DAB1: variants seen among roughly 807,000 people sequenced by gnomAD.
The protein encoded by DAB1 is disabled homolog 1.
Under a neutral mutation model 64.6 loss-of-function variants are expected in DAB1, and 15 were observed. The observed-to-expected ratio is 0.23, with a 90% CI of 0.16 to 0.36. The LOEUF is 0.36. Ranked by LOEUF, DAB1 falls within the 10% of genes least tolerant of loss-of-function variation. The pLI is 1.00. For missense variants in DAB1, 596 were observed against 706.7 expected (o/e 0.84, Z 1.78); for synonymous variants, 235 against 251.9 (o/e 0.93, Z 0.64).
intron 5 of DAB1, among the ~76,000 whole-genome samples, chr1:58,076,600 C>G (rs1195415502): frequency 6.6e-6 from 1 of 152,150 alleles, no homozygotes; most frequent in Non-Finnish European, 1.5e-5. Context: ...AAAGACTTGC[C>G]CAAGGTTTCC....
At chr1:57,732,999 T>C (rs1354695814) in intron 6 of DAB1, among the ~76,000 whole-genome samples, 1 of 152,188 alleles carries the variant, frequency 6.6e-6, no homozygotes, top group African/African-American at 2.4e-5. Flanking sequence ...GACAGTTCTG[T>C]AGAGAGTACA....
chr1:57,494,924 T>C (rs1644211859), intron 7 of DAB1, among the ~76,000 whole-genome samples: 1 of 152,284 alleles, frequency 6.6e-6, no homozygotes, highest in East Asian at 1.9e-4. Flanking sequence ...CATCCTTTGG[T>C]GACCAGGAAG....
At chr1:58,198,242 T>C (rs1657800264) in intron 4 of DAB1, among the ~76,000 whole-genome samples, 1 of 152,252 alleles carries the variant, frequency 6.6e-6, no homozygotes, top group South Asian at 2.1e-4. Context: ...CAATTGTTTA[T>C]TAATCTTCAC....
chr1:57,577,122 C>G (rs1645259708), intron 7 of DAB1, among the ~76,000 whole-genome samples: 1 of 152,208 alleles, frequency 6.6e-6, no homozygotes, highest in Non-Finnish European at 1.5e-5. Context: ...CTCGGGAAAG[C>G]AGGCCATCAG....
intron 6 of DAB1, among the ~76,000 whole-genome samples, chr1:57,699,130 G>A (rs528393032): frequency 4.6e-5 from 7 of 152,112 alleles, no homozygotes; most frequent in African/African-American, 1.2e-4. Flanking sequence ...TAGTAGACAC[G>A]GGGTATCACT....
At chr1:57,623,229 G>A (rs1407939769) in intron 7 of DAB1, among the ~76,000 whole-genome samples, 2 of 152,114 alleles carry the variant, frequency 1.3e-5, no homozygotes, top group African/African-American at 2.4e-5. Context: ...CACAGGCGGT[G>A]AGATCTTCCC....
chr1:58,239,944 T>C (rs769550039), intron 4 of DAB1, among the ~76,000 whole-genome samples: 4 of 152,162 alleles, frequency 2.6e-5, no homozygotes, highest in Non-Finnish European at 5.9e-5. Flanking sequence ...CATTTCCCCA[T>C]CATTAAAACA....
intron 1 of DAB1, among the ~76,000 whole-genome samples, chr1:57,836,265 A>G (rs1304596038): frequency 6.6e-6 from 1 of 152,238 alleles, no homozygotes; most frequent in Non-Finnish European, 1.5e-5. Flanking sequence ...TCAAAATGTA[A>G]TATAGCTAAT....
At chr1:58,393,443 A>G (rs1310727376) in intron 3 of DAB1, among the ~76,000 whole-genome samples, 1 of 152,184 alleles carries the variant, frequency 6.6e-6, no homozygotes, top group African/African-American at 2.4e-5. Flanking sequence ...ATTCCTTTTA[A>G]TCTTCACAAA....
intron 1 of DAB1, among the ~76,000 whole-genome samples, chr1:57,340,603 T>C (rs967589691): frequency 1.3e-5 from 2 of 152,228 alleles, no homozygotes; most frequent in African/African-American, 4.8e-5. Flanking sequence ...CTTTGGCGGA[T>C]GCAGTGTGCA....
At chr1:57,416,520 C>G (rs1433743943) in intron 1 of DAB1, among the ~76,000 whole-genome samples, 1 of 152,130 alleles carries the variant, frequency 6.6e-6, no homozygotes, top group Non-Finnish European at 1.5e-5. Context: ...TTTAATAGGA[C>G]AGATTTGGAT....
chr1:58,400,772 A>G (rs974467066), intron 3 of DAB1, among the ~76,000 whole-genome samples: 1 of 152,240 alleles, frequency 6.6e-6, no homozygotes, highest in African/African-American at 2.4e-5. Context: ...TTATAACTGT[A>G]GATTATGAAA....
intron 7 of DAB1, among the ~76,000 whole-genome samples, chr1:57,619,614 C>A (rs577056572): frequency 6.6e-6 from 1 of 152,122 alleles, no homozygotes; most frequent in African/African-American, 2.4e-5. Context: ...TGTTGCCAGG[C>A]TGGTCTTGAA....
chr1:57,340,301 C>T (rs532818574), intron 1 of DAB1, among the ~76,000 whole-genome samples: 2 of 152,320 alleles, frequency 1.3e-5, no homozygotes, highest in South Asian at 2.1e-4. Flanking sequence ...TACACAAGTT[C>T]ATTCTTCTTG....
At chr1:58,171,783 T>A (rs1656188780) in intron 4 of DAB1, among the ~76,000 whole-genome samples, 1 of 152,234 alleles carries the variant, frequency 6.6e-6, no homozygotes, top group African/African-American at 2.4e-5. Flanking sequence ...GATGATTTAC[T>A]TTTGGCTGCC....
intron 1 of DAB1, among the ~76,000 whole-genome samples, chr1:57,846,081 T>C (rs972921340): frequency 2.0e-5 from 3 of 152,076 alleles, no homozygotes; most frequent in African/African-American, 7.2e-5. Context: ...GGAGGGTTAT[T>C]GAAAATGAGC....
chr1:57,887,909 C>T (rs535453239), upstream of DAB1, among the ~76,000 whole-genome samples: 16 of 152,062 alleles, frequency 1.1e-4, no homozygotes, highest in South Asian at 4.1e-4. Context: ...ATTAAATGTG[C>T]GGGTGTCTCA....
At chr1:58,093,015 TA>T (rs1429820747) in intron 5 of DAB1, among the ~76,000 whole-genome samples, 1 of 152,222 alleles carries the variant, frequency 6.6e-6, no homozygotes, top group Non-Finnish European at 1.5e-5. Flanking sequence ...GAATAAAGCC[TA>T]AACACTTTTA....
At chr1:57,154,305 G>T (rs1201328978) in intron 2 of DAB1, among the ~76,000 whole-genome samples, 1 of 152,092 alleles carries the variant, frequency 6.6e-6, no homozygotes, top group Non-Finnish European at 1.5e-5. Flanking sequence ...GTCTTTCTGT[G>T]CCTGGCTTAT....
Sources: allele counts gnomAD v4.1 joint callset (sites outside exome capture counted in the v4.1 genomes callset), GRCh38; gene constraint gnomAD v4.1.1; transcripts MANE v1.5; gene names NCBI Gene and HGNC (gene_info 2026-07-23, HGNC 2026-07-21).